ENTREP2: variants seen among roughly 807,000 people sequenced by gnomAD.
ENTREP2 encodes the protein endosomal transmembrane epsin interactor 2.
At chr15:29,464,085 T>G in the ENTREP2 span, among the ~76,000 whole-genome samples, 1 of 151,846 alleles carries the variant, frequency 6.6e-6, no homozygotes, top group South Asian at 2.1e-4. Flanking sequence ...GGGGACAGTT[T>G]TAGTTGAGGA....
At chr15:29,446,606 T>C in the ENTREP2 span, among the ~76,000 whole-genome samples, 15 of 152,312 alleles carry the variant, frequency 9.8e-5, no homozygotes, top group Non-Finnish European at 1.8e-4. Context: ...TTTCTTGATA[T>C]ACGTGTATAC....
chr15:29,222,018 A>C, the ENTREP2 span, among the ~76,000 whole-genome samples: 1 of 152,194 alleles, frequency 6.6e-6, no homozygotes, highest in African/African-American at 2.4e-5. Flanking sequence ...AGGTGTTTGA[A>C]CCAGAGTAAC....
At chr15:29,396,383 C>A in the ENTREP2 span, among the ~76,000 whole-genome samples, 20 of 151,844 alleles carry the variant, frequency 1.3e-4, no homozygotes, top group African/African-American at 4.6e-4. Context: ...CTGTGTCTGG[C>A]TAATTTCACT....
chr15:29,229,602 G>A, the ENTREP2 span, among the ~76,000 whole-genome samples: 1 of 152,090 alleles, frequency 6.6e-6, no homozygotes, highest in Non-Finnish European at 1.5e-5. Flanking sequence ...GGATTTCCCA[G>A]ACCTTTTGGG....
the ENTREP2 span, among the ~76,000 whole-genome samples, chr15:29,387,747 G>T: frequency 6.6e-6 from 1 of 152,108 alleles, no homozygotes; most frequent in Non-Finnish European, 1.5e-5. Flanking sequence ...AACCAAAACA[G>T]CATGGTACTG....
At chr15:29,135,743 G>A in the ENTREP2 span, among the ~76,000 whole-genome samples, 564 of 152,316 alleles carry the variant, frequency 3.7e-3, 2 homozygotes, top group Non-Finnish European at 6.9e-3. This position sits in a 1 kb window ranked among gnomAD's most constrained non-coding sequence, Gnocchi z 7.4. Context: ...AGGAGTGCCT[G>A]GCATGCCCAG....
the ENTREP2 span, among the ~76,000 whole-genome samples, chr15:29,349,956 T>G: frequency 6.6e-6 from 1 of 152,150 alleles, no homozygotes; most frequent in Non-Finnish European, 1.5e-5. Flanking sequence ...TAATTGGAGC[T>G]GTTTTCCCTT....
chr15:29,442,350 T>C, the ENTREP2 span, among the ~76,000 whole-genome samples: 2 of 152,200 alleles, frequency 1.3e-5, no homozygotes, highest in African/African-American at 4.8e-5. Flanking sequence ...GGGAAGACCG[T>C]GTGCAACTAT....
the ENTREP2 span, among the ~76,000 whole-genome samples, chr15:29,414,811 G>A: frequency 1.3e-5 from 2 of 152,030 alleles, no homozygotes; most frequent in Non-Finnish European, 2.9e-5. Flanking sequence ...AAATGATAAA[G>A]GGGATATCAC....
the ENTREP2 span, among the ~76,000 whole-genome samples, chr15:29,507,467 C>G: frequency 6.6e-6 from 1 of 152,168 alleles, no homozygotes; most frequent in African/African-American, 2.4e-5. Context: ...CTTCCCAGGA[C>G]TACATAGCAC....
At chr15:29,228,806 CTAAA>C in the ENTREP2 span, among the ~76,000 whole-genome samples, 1 of 152,066 alleles carries the variant, frequency 6.6e-6, no homozygotes, top group Non-Finnish European at 1.5e-5. Context: ...AAAATATTTA[CTAAA>C]TAATACTATG....
chr15:29,401,015 C>T, the ENTREP2 span, among the ~76,000 whole-genome samples: 1 of 152,204 alleles, frequency 6.6e-6, no homozygotes, highest in South Asian at 2.1e-4. Flanking sequence ...GTGGCCACTG[C>T]CCCTTCAAGC....
the ENTREP2 span, among the ~76,000 whole-genome samples, chr15:29,467,470 G>A: frequency 6.6e-6 from 1 of 152,118 alleles, no homozygotes; most frequent in Admixed American, 6.5e-5. Context: ...TTCCAGGGTG[G>A]CTCAGCTAAA....
chr15:29,252,324 A>C, the ENTREP2 span: 1 of 1,265,228 alleles, frequency 7.9e-7, no homozygotes, highest in Non-Finnish European at 1.1e-6. Flanking sequence ...GTACAAAATC[A>C]AATCCTATGA....
chr15:29,656,930 C>T, the ENTREP2 span, among the ~76,000 whole-genome samples: 645 of 152,298 alleles, frequency 4.2e-3, 12 homozygotes, highest in Non-Finnish European at 1.2e-3. Flanking sequence ...GACCACAAAA[C>T]TCCATAAATA....
At chr15:29,379,394 C>T in the ENTREP2 span, among the ~76,000 whole-genome samples, 3 of 152,268 alleles carry the variant, frequency 2.0e-5, no homozygotes, top group East Asian at 5.8e-4. Flanking sequence ...ATTAGTGTCA[C>T]CCTAATGATA....
the ENTREP2 span, among the ~76,000 whole-genome samples, chr15:29,308,036 T>C: frequency 6.6e-6 from 1 of 152,198 alleles, no homozygotes; most frequent in Non-Finnish European, 1.5e-5. Flanking sequence ...TGTTTATATA[T>C]TTCTATGATT....
At chr15:29,576,805 C>G in the ENTREP2 span, among the ~76,000 whole-genome samples, 5 of 152,216 alleles carry the variant, frequency 3.3e-5, no homozygotes, top group South Asian at 1.0e-3. Flanking sequence ...ATATTATTAA[C>G]TTGTTTTTGT....
chr15:29,655,727 C>CA, the ENTREP2 span, among the ~76,000 whole-genome samples: 1,735 of 151,708 alleles, frequency 0.011, 33 homozygotes, highest in African/African-American at 0.04. Context: ...AATTAAAAAA[C>CA]AAAAAAACAA....
Sources: gnomAD v4.1 joint callset for allele counts (sites outside exome capture counted in the v4.1 genomes callset) on GRCh38, gnomAD v4.1.1 for gene constraint, Gnocchi (gnomAD v3.1) non-coding constraint, MANE v1.5 for transcripts, NCBI Gene and HGNC (gene_info 2026-07-23, HGNC 2026-07-21) for gene names.